The following TMTC1 variants were observed in gnomAD, a reference collection of about 807,000 sequenced individuals.
TMTC1 encodes the protein protein O-mannosyl-transferase TMTC1.
TMTC1 carries 73 observed loss-of-function variants against 104.8 expected under a neutral mutation model. That is an observed-to-expected ratio of 0.70 (90% CI 0.58 to 0.85). The LOEUF (loss-of-function observed/expected upper bound fraction) is 0.85. Ranked by LOEUF, TMTC1 falls within the 40% of genes least tolerant of loss-of-function variation. The pLI is 0.00. For missense variants in TMTC1, 1,035 were observed against 1,096.1 expected (o/e 0.94, Z 0.79); for synonymous variants, 434 against 428.7 (o/e 1.01, Z -0.15).
At chr12:29,604,372 T>C in intron 6 of TMTC1, 73 bp from the exon 7 acceptor site, 4 of 1,586,404 alleles carry the variant, frequency 2.5e-6, no homozygotes, top group Non-Finnish European at 2.6e-6. Context: ...AACCATCTCC[T>C]TCACTTTCAG....
chr12:29,532,487 A>G (rs964631349), intron 11 of TMTC1: 1 of 152,208 alleles, frequency 6.6e-6, no homozygotes, highest in Non-Finnish European at 1.5e-5. Flanking sequence ...CATATATTAC[A>G]GCAAATCATT....
At chr12:29,678,010 T>C (rs1940790825) in intron 5 of TMTC1, among the ~76,000 whole-genome samples, 1 of 152,220 alleles carries the variant, frequency 6.6e-6, no homozygotes, top group South Asian at 2.1e-4. Context: ...GTTTCCGGCA[T>C]TCACTGGAGT....
intron 16 of TMTC1, among the ~76,000 whole-genome samples, chr12:29,513,544 AT>A (rs1365549874): frequency 6.8e-6 from 1 of 146,732 alleles, no homozygotes; most frequent in Non-Finnish European, 1.5e-5. Flanking sequence ...TTTTCCAATA[AT>A]ATTTAAAAAT....
intron 10 of TMTC1, among the ~76,000 whole-genome samples, chr12:29,548,112 A>G (rs1465860778): frequency 2.0e-5 from 3 of 152,188 alleles, no homozygotes; most frequent in African/African-American, 7.2e-5. Context: ...ACTGAGAAAG[A>G]TTCCCTAGGG....
In TMTC1 at chr12:29,750,812, C is replaced by T. The variant is rs141373598; in HGVS notation, c.938+854G>A. 3.3e-5 allele frequency among the ~76,000 whole-genome samples: 5 copies of T among 152,332 alleles called. No individual in the cohort carries two copies. The East Asian group carries it at 9.7e-4, about 29-fold the overall frequency. On this transcript the variant is annotated intron_variant, in intron 5 of 17. Transcript: ENST00000539277. ...ACTCAGTGTAAATGGTAAAATGAAA[C>T]CAAGCTTAACCACTAACTAACCTCT... is the stretch of plus-strand genomic sequence containing the variant.
At position 29,519,719 on chromosome 12, in the gene TMTC1, G is replaced by A. The variant is rs570862894; in HGVS notation, c.1888+899C>T. ...GAGGAGGGTTAGACCTGCCCAACTAGAGGTTTCTTCTAGTTTTTATATTTT... is the reference window on the plus strand; with the variant it reads ...GAGGAGGGTTAGACCTGCCCAACTAAAGGTTTCTTCTAGTTTTTATATTTT... On this transcript the variant is annotated intron_variant, in intron 12 of 17. Coordinates refer to ENST00000539277, the MANE Select transcript of TMTC1 (RefSeq NM_001193451.2). The A allele has an allele frequency of 5.9e-5, 9 of 152,280 alleles. No individual in the cohort carries two copies. In the East Asian group the frequency reaches 1.7e-3, roughly 29 times the overall value. The allele number at this position is 152,280 out of a possible 1,614,324, so 9.4% of individuals were successfully genotyped here.
chr12:29,729,531 C>T (rs1000606178), intron 5 of TMTC1, among the ~76,000 whole-genome samples: 2 of 152,176 alleles, frequency 1.3e-5, no homozygotes, highest in Non-Finnish European at 2.9e-5. Context: ...CTCAGGCTGA[C>T]TGGTGACTTT....
chr12:29,638,928 T>C lies in TMTC1; in HGVS notation c.939-5592A>G, dbSNP rs528010539. The stretch of plus-strand genomic sequence containing the variant: ...ATGTTTCAAAGGGTCTCCACCTCAC[T>C]GGGCCCCAGCCATGACAGGCCTACA... On this transcript the variant is annotated intron_variant, in intron 5 of 17. Coordinates refer to ENST00000539277, the MANE Select transcript of TMTC1 (RefSeq NM_001193451.2). Among the ~76,000 whole-genome samples, 20 of 152,314 alleles carry C rather than the reference T, an allele frequency of 1.3e-4. No homozygotes were observed. The South Asian group carries it at 3.9e-3, about 30-fold the overall frequency.
chr12:29,726,451 C>T (rs61801), intron 5 of TMTC1, among the ~76,000 whole-genome samples: 55,355 of 149,418 alleles, frequency 0.37, 11,296 homozygotes, highest in Non-Finnish European at 0.45. Flanking sequence ...GAAGCTCTCC[C>T]TAGATTTTTA....
intron 17 of TMTC1, 80 bp downstream of exon 17, chr12:29,511,963 T>C: frequency 7.5e-7 from 1 of 1,325,480 alleles, no homozygotes; most frequent in Non-Finnish European, 1.1e-6. Context: ...CAATAGTTCC[T>C]CAATCCTTTA....
chr12:29,697,204 A>G (rs1941449671), intron 5 of TMTC1, among the ~76,000 whole-genome samples: 1 of 152,210 alleles, frequency 6.6e-6, no homozygotes, highest in African/African-American at 2.4e-5. Context: ...TACAGGTTCC[A>G]CTACATACTA....
intron 2 of TMTC1, among the ~76,000 whole-genome samples, chr12:29,765,734 G>A (rs915702749): frequency 6.6e-6 from 1 of 152,050 alleles, no homozygotes; most frequent in Admixed American, 6.5e-5. Flanking sequence ...AAGTTCAGTT[G>A]TCTGTGGCTG....
At chr12:29,649,656 C>G (rs1939426965) in intron 5 of TMTC1, among the ~76,000 whole-genome samples, 1 of 152,130 alleles carries the variant, frequency 6.6e-6, no homozygotes, top group Non-Finnish European at 1.5e-5. Context: ...TCCATCATTC[C>G]CAAGGAAACA....
At chr12:29,524,306 A>G (rs1242803706) in intron 11 of TMTC1, among the ~76,000 whole-genome samples, 1 of 152,232 alleles carries the variant, frequency 6.6e-6, no homozygotes, top group Non-Finnish European at 1.5e-5. Context: ...GAGCCAGAAA[A>G]GGAGTCTACT....
At chr12:29,634,214 T>TA (rs1938438891) in intron 5 of TMTC1, among the ~76,000 whole-genome samples, 1 of 151,888 alleles carries the variant, frequency 6.6e-6, no homozygotes. Context: ...CCTTTTTTTT[T>TA]AAACAGCATT....
intron 17 of TMTC1, among the ~76,000 whole-genome samples, chr12:29,507,622 C>T (rs1471197119): frequency 6.6e-6 from 1 of 152,164 alleles, no homozygotes; most frequent in East Asian, 1.9e-4. Context: ...GACTCCTGAC[C>T]TACTAAACAC....
chr12:29,644,139 GTGTGTGTGTGTATATA>G (rs1404795586), intron 5 of TMTC1, among the ~76,000 whole-genome samples: 15 of 102,146 alleles, frequency 1.5e-4, no homozygotes, highest in East Asian at 7.1e-4. Context: ...GTGTGTGTGT[GTGTGTGTGTGTATATA>G]TATATATAAT....
chr12:29,700,286 G>C (rs1029505138), intron 5 of TMTC1, among the ~76,000 whole-genome samples: 2 of 149,676 alleles, frequency 1.3e-5, no homozygotes, highest in South Asian at 4.2e-4. Flanking sequence ...AGGCTGGAGT[G>C]CAGTGGTGTG....
At chr12:29,725,284 C>G (rs1327436446) in intron 5 of TMTC1, among the ~76,000 whole-genome samples, 1 of 151,880 alleles carries the variant, frequency 6.6e-6, no homozygotes, top group East Asian at 1.9e-4. Flanking sequence ...ACCTTGCCCT[C>G]CGAAAGTGCT....
Sources: gnomAD v4.1 joint callset for allele counts (sites outside exome capture counted in the v4.1 genomes callset) on GRCh38, gnomAD v4.1.1 for gene constraint, MANE v1.5 for transcripts, NCBI Gene and HGNC (gene_info 2026-07-23, HGNC 2026-07-21) for gene names.